CDH18: variants seen among roughly 807,000 people sequenced by gnomAD.
The protein encoded by CDH18 is cadherin-18.
In CDH18, 31 loss-of-function variants were observed where a neutral mutation model predicts 67.9. That is an observed-to-expected ratio of 0.46 (90% CI 0.34 to 0.62). CDH18 has a LOEUF of 0.62. Ranked by LOEUF, CDH18 falls within the 20% of genes least tolerant of loss-of-function variation. The pLI is 0.01. For missense variants in CDH18, 890 were observed against 975.5 expected, an observed-to-expected ratio of 0.91 and a Z score of 1.17; for synonymous variants, 362 against 347.2, an observed-to-expected ratio of 1.04 and a Z score of -0.48.
chr5:19,680,381 A>T (rs1435750370), intron 5 of CDH18, among the ~76,000 whole-genome samples: 1 of 152,078 alleles, frequency 6.6e-6, no homozygotes, highest in Admixed American at 6.6e-5. Context: ...AGATTTCATG[A>T]TTAATATGCC....
intron 1 of CDH18, among the ~76,000 whole-genome samples, chr5:20,498,073 ACTTTC>A (rs768510708): frequency 2.0e-5 from 3 of 152,116 alleles, no homozygotes; most frequent in Non-Finnish European, 4.4e-5. Context: ...CAGATCTTGG[ACTTTC>A]CATCCTCCAG....
intron 1 of CDH18, among the ~76,000 whole-genome samples, chr5:20,326,381 C>G (rs12654113): frequency 0.43 from 64,505 of 151,762 alleles, 15,860 homozygotes; most frequent in Middle Eastern, 0.61. Context: ...TTTACATATA[C>G]TCTTGAATAT....
At chr5:19,475,110 T>C (rs1738218791) in intron 12 of CDH18, among the ~76,000 whole-genome samples, 1 of 151,956 alleles carries the variant, frequency 6.6e-6, no homozygotes. Flanking sequence ...GTACATTCGA[T>C]TGACATTTAA....
chr5:19,593,117 G>A (rs1438096895), intron 6 of CDH18, among the ~76,000 whole-genome samples: 1 of 152,030 alleles, frequency 6.6e-6, no homozygotes, highest in East Asian at 1.9e-4. Context: ...GAATAATGCT[G>A]CAATAAACAT....
At chr5:20,531,146 C>A (rs191555894) in intron 1 of CDH18, among the ~76,000 whole-genome samples, 6 of 152,090 alleles carry the variant, frequency 3.9e-5, no homozygotes, top group Non-Finnish European at 8.8e-5. Flanking sequence ...AATAGCTCAA[C>A]ACCACTGATA....
At chr5:19,813,946 A>C (rs941643628) in intron 3 of CDH18, among the ~76,000 whole-genome samples, 2 of 152,020 alleles carry the variant, frequency 1.3e-5, no homozygotes, top group African/African-American at 4.8e-5. Context: ...AAATAAAATA[A>C]GCCAAAATAA....
At chr5:19,865,002 A>G (rs913690812) in intron 2 of CDH18, among the ~76,000 whole-genome samples, 1 of 152,202 alleles carries the variant, frequency 6.6e-6, no homozygotes, top group South Asian at 2.1e-4. Context: ...ACAATCACCT[A>G]GCTCCTCAAT....
At chr5:20,004,006 A>G (rs1424649760) in intron 2 of CDH18, among the ~76,000 whole-genome samples, 1 of 152,190 alleles carries the variant, frequency 6.6e-6, no homozygotes, top group African/African-American at 2.4e-5. Flanking sequence ...CATCTAATAT[A>G]TCGTTTTTTG....
chr5:19,497,698 G>T (rs750607174), intron 11 of CDH18, among the ~76,000 whole-genome samples: 3 of 152,202 alleles, frequency 2.0e-5, no homozygotes, highest in Admixed American at 6.5e-5. Flanking sequence ...TCTTCTTGGT[G>T]TGAGGAAATT....
intron 2 of CDH18, among the ~76,000 whole-genome samples, chr5:19,858,263 T>A (rs535562701): frequency 4.6e-5 from 7 of 152,244 alleles, no homozygotes; most frequent in South Asian, 2.1e-4. Context: ...AGACCTGGAA[T>A]CAATAGAAAG....
chr5:19,543,769 T>C (rs1735815207), intron 9 of CDH18, 100 bp downstream of exon 9: 1 of 761,382 alleles, frequency 1.3e-6, no homozygotes, highest in East Asian at 2.5e-5. Context: ...TAGATCCTGA[T>C]ATCAAAAATA....
intron 4 of CDH18, among the ~76,000 whole-genome samples, chr5:19,733,891 G>C (rs1365864695): frequency 6.6e-6 from 1 of 152,160 alleles, no homozygotes; most frequent in Non-Finnish European, 1.5e-5. Flanking sequence ...GCCTCACACA[G>C]AACTTGCTCA....
At chr5:19,718,868 T>A (rs1179528433) in intron 5 of CDH18, among the ~76,000 whole-genome samples, 1 of 151,978 alleles carries the variant, frequency 6.6e-6, no homozygotes, top group African/African-American at 2.4e-5. Flanking sequence ...TATTTACACT[T>A]GAGATAAACT....
At chr5:19,822,998 T>A (rs1780037013) in intron 3 of CDH18, among the ~76,000 whole-genome samples, 1 of 152,184 alleles carries the variant, frequency 6.6e-6, no homozygotes. Context: ...CTCAGGGATG[T>A]TCCTTGCTGA....
intron 1 of CDH18, chr5:20,305,508 C>A: frequency 9.4e-7 from 1 of 1,061,314 alleles, no homozygotes; most frequent in Non-Finnish European, 1.5e-6. Context: ...GCCGCGAAAC[C>A]CGGGGCGCAG....
intron 3 of CDH18, among the ~76,000 whole-genome samples, chr5:19,825,505 C>T (rs181493759): frequency 3.5e-4 from 54 of 152,184 alleles, no homozygotes; most frequent in African/African-American, 1.3e-3. Context: ...CAGATTAGGG[C>T]TGACACCGCA....
chr5:20,305,069 C>T (rs1305448672), intron 1 of CDH18: 1 of 1,597,566 alleles, frequency 6.3e-7, no homozygotes, highest in African/African-American at 1.3e-5. Context: ...GGATTTGAAA[C>T]TTTTTTATCA....
chr5:20,235,026 A>T (rs768550756), intron 2 of CDH18, among the ~76,000 whole-genome samples: 11 of 152,130 alleles, frequency 7.2e-5, no homozygotes, highest in Non-Finnish European at 1.0e-4. Flanking sequence ...TATAAAATTT[A>T]AAAAATAGAA....
chr5:19,795,556 C>G (rs1464020405), intron 3 of CDH18, among the ~76,000 whole-genome samples: 1 of 152,090 alleles, frequency 6.6e-6, no homozygotes, highest in Non-Finnish European at 1.5e-5. Context: ...TCACAGTCCA[C>G]AAAAATTAGG....
Sources: gnomAD v4.1 joint callset for allele counts (sites outside exome capture counted in the v4.1 genomes callset) on GRCh38, gnomAD v4.1.1 for gene constraint, MANE v1.5 for transcripts, NCBI Gene and HGNC (gene_info 2026-07-23, HGNC 2026-07-21) for gene names.